SPMIP2: variants seen among roughly 807,000 people sequenced by gnomAD.
SPMIP2 encodes sperm microtubule inner protein 2.
At chr4:158,990,617 A>G in the SPMIP2 span, among the ~76,000 whole-genome samples, 1 of 152,214 alleles carries the variant, frequency 6.6e-6, no homozygotes, top group Admixed American at 6.5e-5. Context: ...CATCATCCTC[A>G]GCAAACTAAC....
the SPMIP2 span, among the ~76,000 whole-genome samples, chr4:159,072,105 G>A: frequency 6.6e-6 from 1 of 152,234 alleles, no homozygotes; most frequent in Admixed American, 6.5e-5. Context: ...TTGGGCCCAA[G>A]GAGTTTGAGA....
chr4:158,981,486 C>T, the SPMIP2 span, among the ~76,000 whole-genome samples: 1 of 152,144 alleles, frequency 6.6e-6, no homozygotes, highest in Admixed American at 6.5e-5. Context: ...AAGGGATGCC[C>T]ATCAGACTCA....
the SPMIP2 span, among the ~76,000 whole-genome samples, chr4:159,080,998 C>T: frequency 6.6e-6 from 1 of 151,058 alleles, no homozygotes; most frequent in Admixed American, 6.6e-5. Context: ...TCTGGGATTA[C>T]AGGCACGAAT....
the SPMIP2 span, among the ~76,000 whole-genome samples, chr4:158,980,017 G>T: frequency 6.6e-6 from 1 of 151,998 alleles, no homozygotes. Flanking sequence ...TTGGTTTGGT[G>T]GGGAGGGGTA....
At chr4:159,040,313 A>G in the SPMIP2 span, among the ~76,000 whole-genome samples, 2 of 151,924 alleles carry the variant, frequency 1.3e-5, no homozygotes, top group Non-Finnish European at 2.9e-5. Context: ...CTGGGATTAC[A>G]GGCACGTGCC....
chr4:159,005,380 G>T, the SPMIP2 span, among the ~76,000 whole-genome samples: 1 of 152,152 alleles, frequency 6.6e-6, no homozygotes, highest in Non-Finnish European at 1.5e-5. Context: ...GGAGGCAGAA[G>T]TTGCAGTGAG....
At chr4:159,079,415 G>A in the SPMIP2 span, among the ~76,000 whole-genome samples, 2 of 152,296 alleles carry the variant, frequency 1.3e-5, no homozygotes, top group South Asian at 2.1e-4. Context: ...CACCGAATCT[G>A]CTGGTGCACA....
the SPMIP2 span, among the ~76,000 whole-genome samples, chr4:158,917,971 G>A: frequency 1.3e-3 from 192 of 151,984 alleles, 6 homozygotes; most frequent in South Asian, 0.039. Flanking sequence ...CACCCACCTC[G>A]GCCTCCCAAA....
chr4:159,020,761 T>A, the SPMIP2 span, among the ~76,000 whole-genome samples: 1 of 152,090 alleles, frequency 6.6e-6, no homozygotes, highest in African/African-American at 2.4e-5. Flanking sequence ...TTGTCGTTGT[T>A]GTTGTTGTTT....
chr4:158,920,197 T>G, the SPMIP2 span, among the ~76,000 whole-genome samples: 1 of 152,234 alleles, frequency 6.6e-6, no homozygotes, highest in African/African-American at 2.4e-5. Context: ...GCTGAGGATG[T>G]ACGTCACCTC....
chr4:159,009,212 G>A, the SPMIP2 span, among the ~76,000 whole-genome samples: 1 of 152,190 alleles, frequency 6.6e-6, no homozygotes, highest in Non-Finnish European at 1.5e-5. Context: ...TTCTCATACA[G>A]TGTTCATTCA....
the SPMIP2 span, among the ~76,000 whole-genome samples, chr4:158,894,331 C>T: frequency 6.6e-6 from 1 of 151,856 alleles, no homozygotes; most frequent in Admixed American, 6.6e-5. Flanking sequence ...GGCCACTATG[C>T]CCAGGTAATT....
At chr4:159,062,724 T>TCTCTCTCTCTCC in the SPMIP2 span, among the ~76,000 whole-genome samples, 13 of 151,688 alleles carry the variant, frequency 8.6e-5, no homozygotes, top group African/African-American at 3.1e-4. Context: ...TCTCTCTCTC[T>TCTCTCTCTCTCC]GTCACCCAGG....
chr4:158,910,234 T>C, the SPMIP2 span, among the ~76,000 whole-genome samples: 1 of 152,026 alleles, frequency 6.6e-6, no homozygotes, highest in Non-Finnish European at 1.5e-5. Context: ...ATCAGATATT[T>C]AGTCAAACAC....
the SPMIP2 span, among the ~76,000 whole-genome samples, chr4:159,066,647 T>C: frequency 6.7e-6 from 1 of 149,446 alleles, no homozygotes; most frequent in Non-Finnish European, 1.5e-5. Flanking sequence ...GTAATATATA[T>C]CTCAACCCTT....
chr4:159,007,804 C>T, the SPMIP2 span: 5 of 570,756 alleles, frequency 8.8e-6, no homozygotes, highest in African/African-American at 3.8e-5. Context: ...ATTGTCAACC[C>T]GAAGGGTGAA....
At chr4:158,937,889 A>C in the SPMIP2 span, among the ~76,000 whole-genome samples, 4 of 152,348 alleles carry the variant, frequency 2.6e-5, no homozygotes, top group South Asian at 8.3e-4. Flanking sequence ...AAGGATAATC[A>C]GTTGTTCATG....
the SPMIP2 span, among the ~76,000 whole-genome samples, chr4:158,990,610 C>T: frequency 6.6e-6 from 1 of 152,252 alleles, no homozygotes; most frequent in South Asian, 2.1e-4. Flanking sequence ...TGGAAACCAT[C>T]ATCCTCAGCA....
the SPMIP2 span, among the ~76,000 whole-genome samples, chr4:158,965,155 AAAC>A: frequency 1.3e-5 from 2 of 152,170 alleles, no homozygotes; most frequent in Non-Finnish European, 2.9e-5. Context: ...AACAAGAACA[AAAC>A]AACAAAGGTA....
Sources: gnomAD v4.1 joint callset for allele counts (sites outside exome capture counted in the v4.1 genomes callset) on GRCh38, gnomAD v4.1.1 for gene constraint, MANE v1.5 for transcripts, NCBI Gene and HGNC (gene_info 2026-07-23, HGNC 2026-07-21) for gene names.